CEP85: variants seen among roughly 807,000 people sequenced by gnomAD.
The protein encoded by CEP85 is centrosomal protein 85, also known as centrosomal protein of 85 kDa.
Under a neutral mutation model 93.7 loss-of-function variants are expected in CEP85, and 58 were observed. The ratio of observed to expected loss-of-function variants is 0.62; its 90% CI spans 0.50 to 0.77. The LOEUF is 0.77. Ranked by LOEUF, CEP85 falls within the 30% of genes least tolerant of loss-of-function variation. The pLI is 0.00. For missense variants in CEP85, 868 were observed against 922.0 expected, an observed-to-expected ratio of 0.94 and a Z score of 0.76; for synonymous variants, 314 against 338.6, an observed-to-expected ratio of 0.93 and a Z score of 0.80.
chr1:26,248,530 C>T (rs1282178532), intron 3 of CEP85, among the ~76,000 whole-genome samples: 2 of 152,010 alleles, frequency 1.3e-5, no homozygotes, highest in Admixed American at 1.3e-4. Flanking sequence ...CAGAGTCGCT[C>T]TGTCGCCCAG....
intron 3 of CEP85, among the ~76,000 whole-genome samples, chr1:26,252,099 C>G (rs2089626081): frequency 6.6e-6 from 1 of 151,874 alleles, no homozygotes; most frequent in Non-Finnish European, 1.5e-5. Context: ...GGCATGGTGG[C>G]GGGCTCCTGT....
chr1:26,268,395 C>A, intron 7 of CEP85, 88 bp from the exon 8 acceptor site: 1 of 1,471,410 alleles, frequency 6.8e-7, no homozygotes. Context: ...GAGGTGGAGG[C>A]TGCAGTCAGC....
At chr1:26,240,756 G>T (rs1213597543) in intron 2 of CEP85, among the ~76,000 whole-genome samples, 1 of 152,096 alleles carries the variant, frequency 6.6e-6, no homozygotes, top group Non-Finnish European at 1.5e-5. Flanking sequence ...TTAGCCGGGT[G>T]CAGTGGCATG....
In CEP85 at chr1:26,278,440, G is replaced by C. The variant is rs1357044693; in HGVS notation, c.*1147G>C. On this transcript the variant is annotated 3_prime_UTR_variant, in exon 14 of 14. Transcript: ENST00000451429. ...TGGAGCCAGGCCAGGCAGGGGCCAC[G>C]TGTGGGCCAGTCAGCCACTACAAGA... The C allele has an allele frequency of 1.3e-5, 2 of 152,698 alleles. No homozygotes were observed. The highest frequency in any genetic ancestry group is 4.8e-5 in the African/African-American group (2 of 41,464). 9.5% of individuals were successfully genotyped at this position (152,698 alleles called of 1,614,324 possible).
At chr1:26,243,556 ATGTTTGTAAGGTCC>A (rs1217221497) in intron 2 of CEP85, among the ~76,000 whole-genome samples, 1 of 152,156 alleles carries the variant, frequency 6.6e-6, no homozygotes, top group African/African-American at 2.4e-5. Context: ...AGGCAAGATT[ATGTTTGTAAGGTCC>A]TGTGGCTTTA....
chr1:26,268,664 G>A (rs2089928314), intron 8 of CEP85, 29 bp downstream of exon 8: 1 of 1,576,228 alleles, frequency 6.3e-7, no homozygotes, highest in Non-Finnish European at 8.6e-7. Flanking sequence ...CATGCCTGGG[G>A]TGATCAGGGA....
intron 3 of CEP85, among the ~76,000 whole-genome samples, chr1:26,248,795 C>T (rs1235858180): frequency 4.0e-5 from 5 of 123,554 alleles, no homozygotes; most frequent in Non-Finnish European, 7.9e-5. Flanking sequence ...GGGGCAATCT[C>T]GGCTCACTGC....
intron 3 of CEP85, among the ~76,000 whole-genome samples, chr1:26,251,953 T>G (rs2089623853): frequency 6.6e-6 from 1 of 152,106 alleles, no homozygotes; most frequent in Non-Finnish European, 1.5e-5. Flanking sequence ...TTGCTTATGG[T>G]TAAGCACGGT....
At chr1:26,246,896 T>A (rs2089517936) in intron 3 of CEP85, among the ~76,000 whole-genome samples, 1 of 152,124 alleles carries the variant, frequency 6.6e-6, no homozygotes, top group Non-Finnish European at 1.5e-5. Context: ...CAAAAGGCTG[T>A]ATATTGCATG....
At chr1:26,241,329 G>A (rs965396079) in intron 2 of CEP85, among the ~76,000 whole-genome samples, 1 of 137,604 alleles carries the variant, frequency 7.3e-6, no homozygotes, top group Non-Finnish European at 1.5e-5. Context: ...TACAAGCTCC[G>A]CTTCCCGGGT....
In CEP85 at chr1:26,276,691, G is replaced by A; in HGVS notation, c.2059G>A (p.Val687Ile). 1 of 1,614,198 alleles carries A rather than the reference G, an allele frequency of 6.2e-7. No individual in the cohort carries two copies. The highest frequency in any genetic ancestry group is 8.5e-7 in the Non-Finnish European group (1 of 1,180,036). ...CAGTTGCCTTCAAGATCTGCAGGCT[G>A]TCTGTAGCATTGTGACCCAGAGGGC... ...LASCLQDLQA[V>I]CSIVTQRAQG... The change falls in exon 13 of 14, where the codon GTC (valine) becomes ATC (isoleucine). Residue 687 changes from valine to isoleucine, a missense_variant. Val to Ile is a conservative substitution (Grantham distance 29). Transcript: ENST00000451429.
In CEP85 at chr1:26,271,015, C is replaced by G; in HGVS notation, c.1651C>G (p.Leu551Val). 1 of 1,606,928 alleles carries G rather than the reference C, an allele frequency of 6.2e-7. No homozygotes were observed. The highest frequency in any genetic ancestry group is 1.1e-5 in the South Asian group (1 of 90,826). Reference protein sequence around the residue: ...EAEFSSAGHSLQDKQSVEETS... With the variant: ...EAEFSSAGHSVQDKQSVEETS... ...CTTGAAGAGGCCACTGTCTTTCAGCCTGCAAGATAAACAGTCTGTGGAGGA... is the reference window on the plus strand; with the variant it reads ...CTTGAAGAGGCCACTGTCTTTCAGCGTGCAAGATAAACAGTCTGTGGAGGA... The change falls in exon 10 of 14, where the codon CTG becomes GTG. Residue 551 changes from leucine to valine, a missense_variant and splice_region_variant. Physicochemically the swap from Leu to Val is conservative, Grantham distance 32 (BLOSUM62 1). Coordinates refer to ENST00000451429, the MANE Select transcript of CEP85 (RefSeq NM_001319944.2).
At chr1:26,240,488 G>A (rs2089404447) in intron 2 of CEP85, among the ~76,000 whole-genome samples, 2 of 151,988 alleles carry the variant, frequency 1.3e-5, no homozygotes, top group South Asian at 4.1e-4. Context: ...CAATGTAAAT[G>A]CTATGTAAAT....
At chr1:26,266,429 G>T (rs540918113) in intron 7 of CEP85, among the ~76,000 whole-genome samples, 9 of 152,176 alleles carry the variant, frequency 5.9e-5, no homozygotes, top group African/African-American at 2.2e-4. Flanking sequence ...TTCCTCCCCT[G>T]TTGTTTCTCA....
At chr1:26,267,172 C>A (rs1286702332) in intron 7 of CEP85, among the ~76,000 whole-genome samples, 1 of 152,218 alleles carries the variant, frequency 6.6e-6, no homozygotes, top group Non-Finnish European at 1.5e-5. Context: ...GGCTGCAGAT[C>A]TGTAGGCTTC....
intron 6 of CEP85, among the ~76,000 whole-genome samples, chr1:26,258,728 C>G (rs1156644331): frequency 6.6e-6 from 1 of 152,076 alleles, no homozygotes; most frequent in Non-Finnish European, 1.5e-5. Flanking sequence ...TCCCAAGTAG[C>G]TAGGATTACA....
chr1:26,275,132 C>A, intron 12 of CEP85, 61 bp downstream of exon 12: 1 of 1,254,598 alleles, frequency 8.0e-7, no homozygotes, highest in Non-Finnish European at 1.1e-6. Context: ...CTTTGTTTGC[C>A]CTCCCCATCT....
At chr1:26,261,678 T>C (rs1309145375) in intron 7 of CEP85, among the ~76,000 whole-genome samples, 2 of 151,592 alleles carry the variant, frequency 1.3e-5, no homozygotes, top group Non-Finnish European at 2.9e-5. Context: ...GAGAATTGCT[T>C]GAGCTCAGGA....
intron 3 of CEP85, among the ~76,000 whole-genome samples, chr1:26,246,672 T>C (rs564054992): frequency 3.0e-4 from 45 of 150,494 alleles, no homozygotes; most frequent in Admixed American, 1.7e-3. Flanking sequence ...GAGGTTGCAG[T>C]GAGGTGAGAT....
Sources: allele counts gnomAD v4.1 joint callset (sites outside exome capture counted in the v4.1 genomes callset), GRCh38; gene constraint gnomAD v4.1.1; transcripts MANE v1.5; gene names NCBI Gene and HGNC (gene_info 2026-07-23, HGNC 2026-07-21).